MYO5B: variants seen among roughly 807,000 people sequenced by gnomAD.
MYO5B encodes the protein unconventional myosin-Vb.
In MYO5B, 143 loss-of-function variants were observed where a neutral mutation model predicts 229.3. The observed-to-expected ratio is 0.62, with a 90% CI of 0.54 to 0.72. MYO5B has a LOEUF of 0.72. Ranked by LOEUF, MYO5B falls within the 30% of genes least tolerant of loss-of-function variation. MYO5B has a pLI of 0.00. For missense variants in MYO5B, 2,321 were observed against 2,331.0 expected (o/e 1.00, Z 0.09); for synonymous variants, 918 against 885.2 (o/e 1.04, Z -0.66).
chr18:49,963,420 ATTT>A (rs200127244), intron 10 of MYO5B, among the ~76,000 whole-genome samples: 2,425 of 151,216 alleles, frequency 0.016, 50 homozygotes, highest in African/African-American at 0.054. Flanking sequence ...TAATTAATTT[ATTT>A]ATTTATTTAT....
At chr18:49,938,870 C>T (rs1787599) in intron 14 of MYO5B, among the ~76,000 whole-genome samples, 24,637 of 151,662 alleles carry the variant, frequency 0.16, 2,266 homozygotes, top group African/African-American at 0.23. Context: ...CCTGCCCCTC[C>T]CGTGACCCTC....
chr18:50,061,249 G>A (rs2030679409), intron 1 of MYO5B, among the ~76,000 whole-genome samples: 1 of 152,144 alleles, frequency 6.6e-6, no homozygotes, highest in Non-Finnish European at 1.5e-5. Context: ...ATGGGTCTGA[G>A]CCCCAGTTTC....
In MYO5B at chr18:49,863,237, G is replaced by A. The variant is rs2024353062; in HGVS notation, c.3934C>T (p.Gln1312Ter). The change falls in exon 29 of 40, where the codon CAG (glutamine) becomes TAG (stop). Residue 1312 changes from glutamine to a stop codon, truncating the protein, a stop_gained. Coordinates refer to ENST00000285039, the MANE Select transcript of MYO5B (RefSeq NM_001080467.3). LOFTEE classifies it high-confidence loss of function. ...CCGCGGCGGCCTTACCTGTTTGTCT[G>A]GCAGACCCCGTGATAGGCCTCAATG... ...DAIEAYHGVC[Q>*]TNSKTEDWGY... 1 of 1,612,720 alleles carries A rather than the reference G, an allele frequency of 6.2e-7. No individual in the cohort carries two copies.
At position 50,101,384 on chromosome 18, in the gene MYO5B, T is replaced by A. The variant is rs141075508; in HGVS notation, c.28-46006A>T. On this transcript the variant is annotated intron_variant, in intron 1 of 39. Coordinates refer to ENST00000285039, the MANE Select transcript of MYO5B (RefSeq NM_001080467.3). Reference sequence around the variant, plus strand: ...AGTCCTGGACCATCATATTCCTGTATGGGGCCATCTTCTCTGTAAGTCCTA... The same window carrying A: ...AGTCCTGGACCATCATATTCCTGTAAGGGGCCATCTTCTCTGTAAGTCCTA... Among the ~76,000 whole-genome samples, 739 of 152,274 alleles carry A rather than the reference T, an allele frequency of 4.9e-3. 8 individuals carry two copies. The highest frequency in any genetic ancestry group is 0.017 in the African/African-American group (703 of 41,548).
chr18:50,029,260 C>A (rs532865177), intron 4 of MYO5B, among the ~76,000 whole-genome samples: 1 of 152,214 alleles, frequency 6.6e-6, no homozygotes, highest in African/African-American at 2.4e-5. Flanking sequence ...CAGGAGGTCA[C>A]AGAACGAGAG....
At chr18:50,159,506 A>G (rs148975307) in intron 1 of MYO5B, among the ~76,000 whole-genome samples, 133 of 152,234 alleles carry the variant, frequency 8.7e-4, no homozygotes, top group African/African-American at 3.1e-3. Flanking sequence ...CACCCACGGG[A>G]GAGCAGTCAA....
chr18:49,990,600 T>C, intron 6 of MYO5B, 80 bp from the exon 7 acceptor site: 2 of 1,237,780 alleles, frequency 1.6e-6, no homozygotes, highest in South Asian at 1.2e-5. Flanking sequence ...CCCAGGGTGC[T>C]CCAGGTGGTG....
At chr18:50,085,372 C>A (rs2031308662) in intron 1 of MYO5B, among the ~76,000 whole-genome samples, 1 of 152,106 alleles carries the variant, frequency 6.6e-6, no homozygotes, top group Non-Finnish European at 1.5e-5. Context: ...GAGATACCAT[C>A]TCACACCAGT....
intron 17 of MYO5B, among the ~76,000 whole-genome samples, chr18:49,921,572 A>G (rs996624091): frequency 6.6e-6 from 1 of 152,242 alleles, no homozygotes; most frequent in Admixed American, 6.5e-5. Flanking sequence ...ACAGAGAGCC[A>G]TAATTCTCAG....
intron 1 of MYO5B, among the ~76,000 whole-genome samples, chr18:50,067,554 G>A (rs562566411): frequency 5.3e-5 from 8 of 152,290 alleles, no homozygotes; most frequent in African/African-American, 1.4e-4. Context: ...GTTTGGTCAC[G>A]TGTGCAGACC....
In MYO5B at chr18:49,823,734, A is replaced by G. The variant is rs2023802650; in HGVS notation, c.*2737T>C. 6.6e-6 allele frequency: 1 copy of G among 152,246 alleles called. No homozygotes were observed. The highest frequency in any genetic ancestry group is 6.5e-5 in the Admixed American group (1 of 15,274). 9.4% of individuals were successfully genotyped at this position (152,246 alleles called of 1,614,324 possible). A position where few individuals can be genotyped will look rare whatever the true frequency, so the allele number is the denominator to read the frequency against. Reference sequence around the variant, plus strand: ...TACAGGTACTGGAACTCTAACTGCAACTATGAGGGCACAGGGAAAATGCAT... The same window carrying G: ...TACAGGTACTGGAACTCTAACTGCAGCTATGAGGGCACAGGGAAAATGCAT... On this transcript the variant is annotated 3_prime_UTR_variant, in exon 40 of 40. Coordinates refer to ENST00000285039, the MANE Select transcript of MYO5B (RefSeq NM_001080467.3).
At chr18:49,916,357 G>C (rs982559703) in intron 17 of MYO5B, among the ~76,000 whole-genome samples, 3 of 152,194 alleles carry the variant, frequency 2.0e-5, no homozygotes, top group East Asian at 3.9e-4. Flanking sequence ...CTCTGATGCC[G>C]GCCGGCAGTG....
At chr18:50,040,027 G>T in intron 3 of MYO5B, 116 bp downstream of exon 3, 1 of 1,175,554 alleles carries the variant, frequency 8.5e-7, no homozygotes, top group Non-Finnish European at 1.3e-6. Flanking sequence ...GGTCTCAGTG[G>T]AGAGATACTT....
At chr18:50,115,453 A>G (rs901558589) in intron 1 of MYO5B, among the ~76,000 whole-genome samples, 7 of 152,074 alleles carry the variant, frequency 4.6e-5, no homozygotes, top group African/African-American at 1.7e-4. Context: ...CAAATTATGT[A>G]CGGAGCACCT....
chr18:49,895,973 C>T (rs1314740815), intron 21 of MYO5B, among the ~76,000 whole-genome samples: 1 of 152,178 alleles, frequency 6.6e-6, no homozygotes, highest in Non-Finnish European at 1.5e-5. Flanking sequence ...AGAAATAGGG[C>T]TCTCCAAATC....
At chr18:49,942,357 T>A (rs1598899759) in intron 14 of MYO5B, among the ~76,000 whole-genome samples, 1 of 91,874 alleles carries the variant, frequency 1.1e-5, no homozygotes. Context: ...GGGATCTAAT[T>A]AAACTAAAGA....
chr18:49,837,002 G>T, intron 37 of MYO5B, 117 bp from the exon 38 acceptor site: 1 of 1,015,152 alleles, frequency 9.9e-7, no homozygotes, highest in Middle Eastern at 2.1e-4. Flanking sequence ...TATCTCACAC[G>T]GTTAAAAAGC....
chr18:49,845,245 C>G (rs138000662), intron 33 of MYO5B, among the ~76,000 whole-genome samples: 1 of 152,314 alleles, frequency 6.6e-6, no homozygotes, highest in East Asian at 1.9e-4. Context: ...GATAAACTTA[C>G]ACCACATTTA....
chr18:49,895,128 G>C lies in MYO5B; in HGVS notation c.2858C>G (p.Ser953Ter). Residue 953 changes from serine to a stop codon, truncating the protein, a stop_gained, in exon 22 of 40, where the codon TCA (serine) becomes TGA (stop). Transcript: ENST00000285039. LOFTEE classifies it high-confidence loss of function. Reference sequence around the variant, plus strand: ...CCGCTCTACCTCCATGGTGTATGTTGAGGTGGTCACGGACAACTGCTCTGA... The same window carrying C: ...CCGCTCTACCTCCATGGTGTATGTTCAGGTGGTCACGGACAACTGCTCTGA... Reference protein sequence around the residue: ...TLSEQLSVTTSTYTMEVERLK... With the variant: ...TLSEQLSVTT 1 of 1,613,900 alleles carries C rather than the reference G, an allele frequency of 6.2e-7. No individual in the cohort carries two copies. Among genetic ancestry groups the C allele is most frequent in the Non-Finnish European group, 8.5e-7 (1 of 1,179,970 alleles).
Sources: allele counts gnomAD v4.1 joint callset (sites outside exome capture counted in the v4.1 genomes callset), GRCh38; gene constraint gnomAD v4.1.1; transcripts MANE v1.5; gene names NCBI Gene and HGNC (gene_info 2026-07-23, HGNC 2026-07-21).